Variants in DPY19L1 observed in about 807,000 individuals in gnomAD.
DPY19L1 encodes the protein dpy-19 like C-mannosyltransferase 1.
A neutral mutation model predicts 96.9 loss-of-function variants in DPY19L1; 35 were observed. The ratio of observed to expected loss-of-function variants is 0.36; its 90% confidence interval spans 0.28 to 0.48. The LOEUF is 0.48. Among genes scored for constraint, DPY19L1 ranks in the 20% least tolerant of loss-of-function variants. The probability of loss-of-function intolerance (pLI) is 0.99; values close to 1 mark genes in which losing one functional copy is unlikely to be tolerated. For missense variants in DPY19L1, 521 were observed against 777.9 expected, an observed-to-expected ratio of 0.67 and a Z score of 3.93; for synonymous variants, 205 against 252.6, an observed-to-expected ratio of 0.81 and a Z score of 1.79.
intron 6 of DPY19L1, among the ~76,000 whole-genome samples, chr7:35,005,158 A>G (rs1234048289): frequency 1.3e-5 from 2 of 152,090 alleles, no homozygotes; most frequent in Non-Finnish European, 2.9e-5. Context: ...ATTTTTGTCT[A>G]TTCTTCAGCT....
chr7:35,014,757 G>A (rs925437914), intron 3 of DPY19L1, among the ~76,000 whole-genome samples: 3 of 152,142 alleles, frequency 2.0e-5, no homozygotes, highest in Admixed American at 1.3e-4. Context: ...ATTTGGAAAT[G>A]GGATTCTTGC....
At chr7:34,952,425 G>C (rs983926470) in intron 13 of DPY19L1, among the ~76,000 whole-genome samples, 46 of 152,214 alleles carry the variant, frequency 3.0e-4, no homozygotes, top group African/African-American at 7.2e-4. Context: ...GAAAGCTCCA[G>C]GCCATGAGGG....
intron 7 of DPY19L1, 97 bp from the exon 8 acceptor site, chr7:34,973,702 T>C (rs1784775585): frequency 1.7e-6 from 1 of 604,506 alleles, no homozygotes; most frequent in Non-Finnish European, 2.5e-6. Context: ...TTTTAACAAA[T>C]AATTTAAACG....
intron 1 of DPY19L1, among the ~76,000 whole-genome samples, chr7:35,024,911 G>A (rs1309174424): frequency 3.3e-5 from 5 of 152,080 alleles, no homozygotes; most frequent in Admixed American, 1.3e-4. Context: ...CTGGCACTTC[G>A]CTGAGTTAAA....
At chr7:34,975,992 TTAA>T (rs1784823102) in intron 7 of DPY19L1, among the ~76,000 whole-genome samples, 1 of 152,172 alleles carries the variant, frequency 6.6e-6, no homozygotes, top group South Asian at 2.1e-4. Context: ...GATGAGGTGA[TTAA>T]TGTTGCCTTC....
At position 35,013,592 on chromosome 7, in the gene DPY19L1, T is replaced by C. The variant is rs768437247; in HGVS notation, c.525A>G (p.Leu175=). Residue 175 remains leucine, a synonymous_variant, in exon 4 of 22, where the codon TTA becomes TTG. Transcript: ENST00000638088. ...CCTCAGGGTAAAGATTGAATCTTTTTAATGTATTAATGACAAGGGGGTATT... is the reference window on the plus strand; with the variant it reads ...CCTCAGGGTAAAGATTGAATCTTTTCAATGTATTAATGACAAGGGGGTATT... ...LTEYPLVINT[L]KRFNLYPEVI... The C allele has an allele frequency of 1.9e-6, 3 of 1,609,488 alleles. No individual in the cohort carries two copies. The highest frequency in any genetic ancestry group is 2.5e-6 in the Non-Finnish European group (3 of 1,177,936).
chr7:34,949,649 C>T (rs1422322148), intron 14 of DPY19L1, 148 bp downstream of exon 14: 9 of 572,576 alleles, frequency 1.6e-5, no homozygotes, highest in Admixed American at 1.2e-4. Flanking sequence ...CTAAAGTAAA[C>T]AGAAAAATCT....
intron 6 of DPY19L1, among the ~76,000 whole-genome samples, chr7:34,991,652 T>C (rs534477024): frequency 6.6e-6 from 1 of 152,228 alleles, no homozygotes; most frequent in East Asian, 1.9e-4. Flanking sequence ...AGACAAAAAA[T>C]ATAGAAGTTT....
At chr7:35,013,843 C>A (rs1160445641) in intron 3 of DPY19L1, 138 bp from the exon 4 acceptor site, 3 of 572,838 alleles carry the variant, frequency 5.2e-6, no homozygotes, top group African/African-American at 3.9e-5. Flanking sequence ...GGTTTCTGAT[C>A]ACTGATAAAT....
chr7:35,017,733 T>C (rs1290195365), intron 3 of DPY19L1, 149 bp downstream of exon 3: 2 of 463,808 alleles, frequency 4.3e-6, no homozygotes, highest in Non-Finnish European at 7.4e-6. Flanking sequence ...GGGGTGTAGA[T>C]GAAGGAAAAC....
At chr7:34,938,164 G>T (rs370812493) in intron 20 of DPY19L1, 45 bp from the exon 21 acceptor site, 27 of 1,573,980 alleles carry the variant, frequency 1.7e-5, no homozygotes, top group Non-Finnish European at 2.2e-5. Context: ...AGACTAAAAC[G>T]ATACAATAAC....
chr7:34,987,386 ATTTAT>A (rs1785073574), intron 7 of DPY19L1, among the ~76,000 whole-genome samples: 1 of 152,088 alleles, frequency 6.6e-6, no homozygotes, highest in East Asian at 1.9e-4. Flanking sequence ...GTTTTAAATA[ATTTAT>A]TTAATAATCT....
intron 6 of DPY19L1, among the ~76,000 whole-genome samples, chr7:35,006,651 T>C (rs1425283173): frequency 1.3e-5 from 2 of 151,910 alleles, no homozygotes; most frequent in African/African-American, 2.4e-5. Context: ...TTAAAAAAAA[T>C]ACTAAAATAC....
At chr7:34,962,070 A>G (rs1421668938) in intron 10 of DPY19L1, among the ~76,000 whole-genome samples, 2 of 152,196 alleles carry the variant, frequency 1.3e-5, no homozygotes, top group Non-Finnish European at 2.9e-5. Context: ...TACTCTCACC[A>G]TACCATCCAA....
intron 13 of DPY19L1, among the ~76,000 whole-genome samples, chr7:34,950,380 T>C (rs1488942132): frequency 6.6e-6 from 1 of 152,232 alleles, no homozygotes; most frequent in Non-Finnish European, 1.5e-5. Flanking sequence ...ACTTCTTGAC[T>C]GATAATCACC....
intron 1 of DPY19L1, among the ~76,000 whole-genome samples, chr7:35,032,085 G>T (rs1786273568): frequency 6.6e-6 from 1 of 152,092 alleles, no homozygotes; most frequent in Admixed American, 6.6e-5. Flanking sequence ...TGTTGTTCCT[G>T]TATCTCTAAG....
Position 34,929,524 on chromosome 7 carries a change from T to C in DPY19L1, c.*2049A>G, listed in dbSNP as rs1783706873. ...ATACAGAATTTCTACTTATTACATG[T>C]GAACTTCTTTGGAAGGAAATTACTG... On this transcript the variant is annotated 3_prime_UTR_variant, in exon 22 of 22. Coordinates refer to ENST00000638088, the MANE Select transcript of DPY19L1 (RefSeq NM_001366673.1). 6.6e-6 allele frequency: 1 copy of C among 152,204 alleles called. No individual in the cohort carries two copies. Among genetic ancestry groups the C allele is most frequent in the Non-Finnish European group, 1.5e-5 (1 of 68,038 alleles). 9.4% of individuals were successfully genotyped at this position (152,204 alleles called of 1,614,324 possible).
At chr7:34,965,649 T>C (rs1270766610) in intron 10 of DPY19L1, among the ~76,000 whole-genome samples, 1 of 152,154 alleles carries the variant, frequency 6.6e-6, no homozygotes, top group Non-Finnish European at 1.5e-5. Context: ...CCTTACACAT[T>C]ATAAATGTTC....
At chr7:35,016,040 A>C (rs1410095942) in intron 3 of DPY19L1, among the ~76,000 whole-genome samples, 1 of 151,640 alleles carries the variant, frequency 6.6e-6, no homozygotes, top group Non-Finnish European at 1.5e-5. Flanking sequence ...TAAAAAATTA[A>C]TATAAATTCA....
Sources: allele counts gnomAD v4.1 joint callset (sites outside exome capture counted in the v4.1 genomes callset), GRCh38; gene constraint gnomAD v4.1.1; transcripts MANE v1.5; gene names NCBI Gene and HGNC (gene_info 2026-07-23, HGNC 2026-07-21).